The following RBPJ variants were observed in gnomAD, a reference collection of about 807,000 sequenced individuals.
RBPJ encodes recombination signal binding protein for immunoglobulin kappa J region, also known as recombining binding protein suppressor of hairless.
Under a neutral mutation model 67.8 loss-of-function variants are expected in RBPJ, and 9 were observed. That is an observed-to-expected ratio of 0.13 (90% CI 0.08 to 0.23). The LOEUF is 0.23. RBPJ is among the 10% of genes least tolerant of loss of function. The pLI is 1.00. For synonymous variants in RBPJ, 198 were observed against 203.3 expected (o/e 0.97, Z 0.22); for missense variants, 305 against 595.6 (o/e 0.51, Z 5.08).
intron 1 of RBPJ, among the ~76,000 whole-genome samples, chr4:26,196,627 C>T (rs1362226522): frequency 6.6e-6 from 1 of 152,164 alleles, no homozygotes; most frequent in African/African-American, 2.4e-5. Flanking sequence ...AATTTGAGCT[C>T]AGATTTTCTG....
At chr4:26,338,656 A>C (rs1319630577) in intron 1 of RBPJ, among the ~76,000 whole-genome samples, 1 of 147,976 alleles carries the variant, frequency 6.8e-6, no homozygotes, top group Non-Finnish European at 1.5e-5. Context: ...GCTCCCTGAA[A>C]CCTCTGCCTC....
At chr4:26,276,183 G>C (rs983106085) in intron 1 of RBPJ, among the ~76,000 whole-genome samples, 1 of 149,886 alleles carries the variant, frequency 6.7e-6, no homozygotes, top group African/African-American at 2.5e-5. Flanking sequence ...GCTGAGGCAG[G>C]AGAATCACTT....
chr4:26,313,734 G>C (rs937686498), intron 1 of RBPJ, among the ~76,000 whole-genome samples: 21 of 151,944 alleles, frequency 1.4e-4, no homozygotes, highest in Admixed American at 7.9e-4. Flanking sequence ...TACTCGGGAG[G>C]TTGAGGTAGA....
chr4:26,173,372 G>A (rs1376773802), intron 1 of RBPJ, among the ~76,000 whole-genome samples: 1 of 152,170 alleles, frequency 6.6e-6, no homozygotes, highest in African/African-American at 2.4e-5. Flanking sequence ...CTGACCTCAA[G>A]TGATCTGCCC....
At chr4:26,197,816 G>A (rs1043218091) in intron 1 of RBPJ, among the ~76,000 whole-genome samples, 29 of 152,098 alleles carry the variant, frequency 1.9e-4, no homozygotes, top group Non-Finnish European at 3.1e-4. Flanking sequence ...AGAGAGGAGA[G>A]GAGGGGAAGG....
chr4:26,286,216 C>G (rs1052179603), intron 1 of RBPJ, among the ~76,000 whole-genome samples: 95 of 152,022 alleles, frequency 6.2e-4, no homozygotes, highest in African/African-American at 2.2e-3. Flanking sequence ...TGATGACTAG[C>G]GCCTGTAATC....
In RBPJ at chr4:26,338,160, T is replaced by C. The variant is rs190140470; in HGVS notation, c.20+17112T>C. Among the ~76,000 whole-genome samples, 823 of 144,846 alleles carry C rather than the reference T, an allele frequency of 5.7e-3. 10 individuals carry two copies. Among genetic ancestry groups the C allele is most frequent in the African/African-American group, 0.02 (771 of 39,378 alleles). On this transcript the variant is annotated intron_variant, in intron 1 of 10. Coordinates refer to ENST00000355476, the MANE Select transcript of RBPJ (RefSeq NM_015874.6). ...TTCTTATGTGTATTTTTCTTTCTTT[T>C]TTTTTTTTTTTTTTGAGATGGAGTG...
chr4:26,237,272 T>C (rs1428829195), intron 1 of RBPJ, among the ~76,000 whole-genome samples: 1 of 152,132 alleles, frequency 6.6e-6, no homozygotes, highest in Non-Finnish European at 1.5e-5. Flanking sequence ...TGCTGTCACT[T>C]AAGTATATAG....
rs552715179 is a variant in RBPJ at position 26,171,066 on chromosome 4, C to T, written c.-167+7452C>T. On this transcript the variant is annotated intron_variant, in intron 1 of 4. Transcript: ENST00000512351. ...GTGGCTTGAGCATTAGACTTGGAGT[C>T]GAAGGACCTGTGTTTGCGCTGTGCC... Among the ~76,000 whole-genome samples the T allele has an allele frequency of 5.6e-4, 85 of 152,212 alleles. No individual in the cohort carries two copies. In the Middle Eastern group the frequency reaches 0.01, roughly 18 times the overall value.
intron 1 of RBPJ, among the ~76,000 whole-genome samples, chr4:26,267,785 T>C (rs978443595): frequency 3.3e-5 from 5 of 151,926 alleles, no homozygotes; most frequent in African/African-American, 1.2e-4. Flanking sequence ...TTTTTGTATT[T>C]GTAGTAGAGA....
chr4:26,274,623 G>C (rs569948482), intron 1 of RBPJ, among the ~76,000 whole-genome samples: 2 of 151,662 alleles, frequency 1.3e-5, no homozygotes, highest in East Asian at 3.9e-4. Flanking sequence ...GAGCGAGCGA[G>C]ACCCTGTCTC....
intron 1 of RBPJ, among the ~76,000 whole-genome samples, chr4:26,187,483 A>T (rs1363135852): frequency 6.6e-6 from 1 of 152,074 alleles, no homozygotes; most frequent in Admixed American, 6.6e-5. Flanking sequence ...TAAGTATCAC[A>T]AGTTATTGGT....
intron 1 of RBPJ, among the ~76,000 whole-genome samples, chr4:26,363,419 T>C (rs908475446): frequency 6.6e-6 from 1 of 152,010 alleles, no homozygotes; most frequent in Non-Finnish European, 1.5e-5. Context: ...ACTACAGGCG[T>C]GAGCCACTGT....
At chr4:26,351,470 T>C (rs1240491516) in intron 1 of RBPJ, among the ~76,000 whole-genome samples, 2 of 152,210 alleles carry the variant, frequency 1.3e-5, no homozygotes, top group African/African-American at 4.8e-5. Flanking sequence ...AACCTCTGCC[T>C]TGCAGGCTCA....
intron 1 of RBPJ, among the ~76,000 whole-genome samples, chr4:26,172,436 C>T (rs184411013): frequency 6.6e-6 from 1 of 152,292 alleles, no homozygotes; most frequent in East Asian, 1.9e-4. Flanking sequence ...CTGCCACGGG[C>T]GATCTAGCAG....
At chr4:26,163,437 A>T (rs1164715823), upstream of RBPJ, 1 of 151,688 alleles carries the variant, frequency 6.6e-6, no homozygotes, top group East Asian at 1.9e-4. Context: ...GAGAGAGAGA[A>T]TGTTGAATCT....
At chr4:26,306,050 G>A (rs571820028) in intron 1 of RBPJ, among the ~76,000 whole-genome samples, 1 of 151,596 alleles carries the variant, frequency 6.6e-6, no homozygotes, top group Non-Finnish European at 1.5e-5. Flanking sequence ...CTCCCAAAGT[G>A]CTGGGATTAC....
intron 1 of RBPJ, among the ~76,000 whole-genome samples, chr4:26,360,993 A>T (rs1394648742): frequency 6.6e-6 from 1 of 150,900 alleles, no homozygotes; most frequent in Non-Finnish European, 1.5e-5. Context: ...TGTGAAGGAT[A>T]CATTTGTCTG....
At chr4:26,253,466 T>G (rs374774863) in intron 1 of RBPJ, among the ~76,000 whole-genome samples, 2 of 147,608 alleles carry the variant, frequency 1.4e-5, no homozygotes, top group East Asian at 3.9e-4. Context: ...CGCCCGCCAC[T>G]ACGCCCGGCT....
Sources: gnomAD v4.1 joint callset for allele counts (sites outside exome capture counted in the v4.1 genomes callset) on GRCh38, gnomAD v4.1.1 for gene constraint, MANE v1.5 for transcripts, NCBI Gene and HGNC (gene_info 2026-07-23, HGNC 2026-07-21) for gene names.